Variants in KIRREL3 observed in about 807,000 individuals in gnomAD.
KIRREL3 encodes the protein kirre like nephrin family adhesion molecule 3.
In KIRREL3, 36 loss-of-function variants were observed where a neutral mutation model predicts 89.7. The observed-to-expected ratio is 0.40, with a 90% CI of 0.31 to 0.53. The LOEUF is 0.53. KIRREL3 is among the 20% of genes least tolerant of loss of function. KIRREL3 has a pLI of 0.49. For synonymous variants in KIRREL3, 445 were observed against 441.4 expected (o/e 1.01, Z -0.10); for missense variants, 864 against 1,056.6 (o/e 0.82, Z 2.53).
At chr11:126,556,215 G>C (rs1243452693) in intron 2 of KIRREL3, among the ~76,000 whole-genome samples, 1 of 152,212 alleles carries the variant, frequency 6.6e-6, no homozygotes, top group African/African-American at 2.4e-5. Flanking sequence ...GTCCAGGGGA[G>C]AGAGGCTGGG....
chr11:126,468,788 A>T (rs1956801089), intron 5 of KIRREL3, among the ~76,000 whole-genome samples: 1 of 152,072 alleles, frequency 6.6e-6, no homozygotes, highest in African/African-American at 2.4e-5. Context: ...CTTGTAAGTC[A>T]CTCTGCAACC....
chr11:126,513,535 T>G lies in KIRREL3; in HGVS notation c.433+7780A>C, dbSNP rs181168552. On this transcript the variant is annotated intron_variant, in intron 4 of 16. Coordinates refer to ENST00000525144, the MANE Select transcript of KIRREL3 (RefSeq NM_032531.4). This position sits in a 1 kb window ranked among gnomAD's most constrained non-coding sequence, Gnocchi z 5.9. ...GAGGGATCCTCTCTTCCTCCGGGCC[T>G]TGGAAGTCGTTTAATGCTTGAGTGT... is the stretch of plus-strand genomic sequence containing the variant. 1.5e-3 allele frequency among the ~76,000 whole-genome samples: 224 copies of G among 152,214 alleles called. No individual in the cohort carries two copies. The highest frequency in any genetic ancestry group is 5.1e-3 in the African/African-American group (213 of 41,536).
rs1948959892 is a variant in KIRREL3, at chr11:126,740,920, C to A, written c.56-178008G>T. On this transcript the variant is annotated intron_variant, in intron 1 of 16. Transcript: ENST00000525144. This position sits in a 1 kb window ranked among gnomAD's most constrained non-coding sequence, Gnocchi z 6.0. ...GAGTCCCCCATGGTAGAGTGAGTGA[C>A]AAGGTTCTTGGAAATATCATCAGAT... is the stretch of plus-strand genomic sequence containing the variant. Among the ~76,000 whole-genome samples the A allele has an allele frequency of 6.6e-6, 1 of 152,030 alleles. No individual in the cohort carries two copies. Among genetic ancestry groups the A allele is most frequent in the Non-Finnish European group, 1.5e-5 (1 of 68,022 alleles).
intron 1 of KIRREL3, among the ~76,000 whole-genome samples, chr11:126,722,337 C>T (rs1288259743): frequency 2.0e-5 from 3 of 152,216 alleles, no homozygotes; most frequent in South Asian, 2.1e-4. Flanking sequence ...TCTCATTCAC[C>T]TTTTGGGGAT....
chr11:126,923,231 C>G (rs1344566638), intron 1 of KIRREL3, among the ~76,000 whole-genome samples: 1 of 47,106 alleles, frequency 2.1e-5, no homozygotes. Flanking sequence ...TCTTCTTCTT[C>G]TTCTTCTTCT....
chr11:126,678,828 C>T (rs755195082), intron 1 of KIRREL3, among the ~76,000 whole-genome samples: 25 of 152,178 alleles, frequency 1.6e-4, no homozygotes, highest in Non-Finnish European at 2.9e-4. Flanking sequence ...GGTGGCCATA[C>T]GGCCTTTAAT....
chr11:126,617,098 G>A (rs929377574), intron 1 of KIRREL3, among the ~76,000 whole-genome samples: 1 of 152,258 alleles, frequency 6.6e-6, no homozygotes, highest in Non-Finnish European at 1.5e-5. Context: ...TGCTTTCACA[G>A]CCTCACTAAA....
chr11:126,423,726 A>C lies in KIRREL3; in HGVS notation c.*854T>G, dbSNP rs1384264112. On this transcript the variant is annotated 3_prime_UTR_variant, in exon 17 of 17. Transcript: ENST00000525144. ...GTGTTCAGAGAACCCTGACCAGAGA[A>C]GCTCCCGCACTTCTTATATGAACTC... 3 of 152,202 alleles carry C rather than the reference A, an allele frequency of 2.0e-5. No homozygotes were observed. Among genetic ancestry groups the C allele is most frequent in the African/African-American group, 7.2e-5 (3 of 41,440 alleles). 9.4% of individuals were successfully genotyped at this position (152,202 alleles called of 1,614,324 possible). A position where few individuals can be genotyped will look rare whatever the true frequency, so the allele number is the denominator to read the frequency against.
At position 126,893,487 on chromosome 11, in the gene KIRREL3, A is replaced by T. The variant is rs192547341; in HGVS notation, c.55+106968T>A. Among the ~76,000 whole-genome samples, 512 of 152,342 alleles carry T rather than the reference A, an allele frequency of 3.4e-3. 4 individuals are homozygous for T. Among genetic ancestry groups the T allele is most frequent in the South Asian group, 8.9e-3 (43 of 4,826 alleles). On this transcript the variant is annotated intron_variant, in intron 1 of 16. Transcript: ENST00000525144. The stretch of plus-strand genomic sequence containing the variant: ...CTGTTTCCTCCTGGGGCTTATCAGC[A>T]TTTACTGGGGACACTTTACTTAATT...
rs1000260913 is a variant in KIRREL3, at chr11:126,561,972, A to T, written c.133+863T>A. On this transcript the variant is annotated intron_variant, in intron 2 of 16. Transcript: ENST00000525144. The surrounding 1 kb of genome is among the most constrained non-coding windows in gnomAD (Gnocchi z 4.5). ...TTCTTGCTGGAATGGGAATGAGGAG[A>T]CATGGGCCCTGGGCCCTGGAAGGGG... 6.6e-6 allele frequency among the ~76,000 whole-genome samples: 1 copy of T among 152,096 alleles called. No individual in the cohort carries two copies. Among genetic ancestry groups the T allele is most frequent in the Non-Finnish European group, 1.5e-5 (1 of 68,014 alleles).
rs1014182779 is a variant in KIRREL3, at chr11:126,910,334, A to C, written c.55+90121T>G. On this transcript the variant is annotated intron_variant, in intron 1 of 16. Coordinates refer to ENST00000525144, the MANE Select transcript of KIRREL3 (RefSeq NM_032531.4). ...AGGTACAGTGGGCTGGCTGGAGAGA[A>C]GGGATCACTGGGGGTGGTCTTAAGG... is the stretch of plus-strand genomic sequence containing the variant. Among the ~76,000 whole-genome samples the C allele has an allele frequency of 3.9e-5, 6 of 152,274 alleles. No individual in the cohort carries two copies. In the East Asian group the frequency reaches 1.2e-3, roughly 29 times the overall value.
In KIRREL3 at chr11:126,537,503, GA is replaced by G. The variant is rs1194792456; in HGVS notation, c.134-10817del. ...GAGGAGAAATGTCATTCTGGGGTAGGAAAAAAAATATAAGCAAAAACATGAG... is the reference window on the plus strand; with the variant it reads ...GAGGAGAAATGTCATTCTGGGGTAGGAAAAAAATATAAGCAAAAACATGAG... On this transcript the variant is annotated intron_variant, in intron 2 of 16. Coordinates refer to ENST00000525144, the MANE Select transcript of KIRREL3 (RefSeq NM_032531.4). The surrounding 1 kb of genome is among the most constrained non-coding windows in gnomAD (Gnocchi z 4.3). Among the ~76,000 whole-genome samples the G allele has an allele frequency of 6.6e-6, 1 of 151,876 alleles. No individual in the cohort carries two copies. The highest frequency in any genetic ancestry group is 2.4e-5 in the African/African-American group (1 of 41,344).
At chr11:126,745,919 A>T (rs1427424307) in intron 1 of KIRREL3, among the ~76,000 whole-genome samples, 1 of 152,214 alleles carries the variant, frequency 6.6e-6, no homozygotes, top group Non-Finnish European at 1.5e-5. Flanking sequence ...AAAGGGGCAC[A>T]CTAGTGGTTA....
intron 1 of KIRREL3, among the ~76,000 whole-genome samples, chr11:126,928,684 G>A (rs1784315): frequency 0.33 from 49,733 of 152,114 alleles, 8,735 homozygotes; most frequent in Middle Eastern, 0.55. Context: ...ATGACTGGGT[G>A]GAAAAGGATG....
At chr11:126,583,966 C>T (rs576064887) in intron 1 of KIRREL3, among the ~76,000 whole-genome samples, 1 of 151,866 alleles carries the variant, frequency 6.6e-6, no homozygotes, top group Non-Finnish European at 1.5e-5. Context: ...TTATTTCCTC[C>T]GCGGCAACTA....
At chr11:126,730,932 G>A (rs975451509) in intron 1 of KIRREL3, among the ~76,000 whole-genome samples, 1 of 151,996 alleles carries the variant, frequency 6.6e-6, no homozygotes, top group Non-Finnish European at 1.5e-5. Context: ...GTAGAGATGG[G>A]GTTTCACTGT....
At chr11:126,790,625 G>A (rs975652912) in intron 1 of KIRREL3, among the ~76,000 whole-genome samples, 3 of 152,032 alleles carry the variant, frequency 2.0e-5, no homozygotes, top group Non-Finnish European at 4.4e-5. Context: ...GGCCTGTGTC[G>A]CACCAAGCTT....
In KIRREL3 at chr11:126,796,563, G is replaced by C. The variant is rs947249171; in HGVS notation, c.55+203892C>G. 2.0e-4 allele frequency among the ~76,000 whole-genome samples: 30 copies of C among 152,226 alleles called. No homozygotes were observed. Among genetic ancestry groups the C allele is most frequent in the African/African-American group, 7.2e-4 (30 of 41,454 alleles). ...CCTCCTTCCTCATGTGAAGTGCCTA[G>C]CTGGTACCCACTGGGTGATTGGGCA... On this transcript the variant is annotated intron_variant, in intron 1 of 16. Coordinates refer to ENST00000525144, the MANE Select transcript of KIRREL3 (RefSeq NM_032531.4). This position sits in a 1 kb window ranked among gnomAD's most constrained non-coding sequence, Gnocchi z 5.1.
Position 126,699,607 on chromosome 11 carries a change from T to A in KIRREL3, c.56-136695A>T, listed in dbSNP as rs943099403. Among the ~76,000 whole-genome samples, 22 of 152,334 alleles carry A rather than the reference T, an allele frequency of 1.4e-4. No individual in the cohort carries two copies. In the Middle Eastern group the frequency reaches 0.014, roughly 94 times the overall value. ...ATTTGTTAGCTATTTTACCTTTTTT[T>A]AGGTAATGTCTTCAAAGTCTGGTAT... On this transcript the variant is annotated intron_variant, in intron 1 of 16. Coordinates refer to ENST00000525144, the MANE Select transcript of KIRREL3 (RefSeq NM_032531.4).
Sources: allele counts gnomAD v4.1 joint callset (sites outside exome capture counted in the v4.1 genomes callset), GRCh38; gene constraint gnomAD v4.1.1; non-coding constraint Gnocchi (gnomAD v3.1); transcripts MANE v1.5; gene names NCBI Gene and HGNC (gene_info 2026-07-23, HGNC 2026-07-21).